Variants in DPP10 observed in about 807,000 individuals in gnomAD.
DPP10 encodes inactive dipeptidyl peptidase 10.
In DPP10, 33 loss-of-function variants were observed where a neutral mutation model predicts 120.9. The ratio of observed to expected loss-of-function variants is 0.27; its 90% CI spans 0.21 to 0.37. The LOEUF (loss-of-function observed/expected upper bound fraction) is 0.37, where lower values mean the gene tolerates loss of function less well. Ranked by LOEUF, DPP10 falls within the 10% of genes least tolerant of loss-of-function variation. The probability of loss-of-function intolerance (pLI) is 1.00; values close to 1 mark genes in which losing one functional copy is unlikely to be tolerated. For synonymous variants in DPP10, 337 were observed against 326.1 expected (o/e 1.03, Z -0.36); for missense variants, 816 against 942.8 (o/e 0.87, Z 1.76).
At chr2:115,442,157 T>A (rs2072129482) in intron 3 of DPP10, among the ~76,000 whole-genome samples, 1 of 152,062 alleles carries the variant, frequency 6.6e-6, no homozygotes, top group Non-Finnish European at 1.5e-5. Context: ...AGTTTTTTTG[T>A]CTTCACTGTG....
chr2:115,712,331 G>A lies in DPP10; in HGVS notation c.577-15485G>A, dbSNP rs371404861. 1.1e-3 allele frequency among the ~76,000 whole-genome samples: 159 copies of A among 150,600 alleles called. 1 individual carries two copies. The highest frequency in any genetic ancestry group is 3.6e-3 in the African/African-American group (146 of 41,072). On this transcript the variant is annotated intron_variant, in intron 7 of 25. Transcript: ENST00000410059. The stretch of plus-strand genomic sequence containing the variant: ...TGCCACCACTGATCTGACAGGAGGC[G>A]GAGCTCAAGCAGGAATGTGAGCGAT...
chr2:115,619,284 C>T (rs912357680), intron 5 of DPP10, among the ~76,000 whole-genome samples: 18 of 151,260 alleles, frequency 1.2e-4, no homozygotes, highest in African/African-American at 4.4e-4. Flanking sequence ...ACCATGTTAG[C>T]CAGGATAGTC....
In DPP10 at chr2:115,780,985, A is replaced by G; in HGVS notation, c.1473A>G (p.Leu491=). 6.3e-7 allele frequency: 1 copy of G among 1,586,138 alleles called. No homozygotes were observed. The highest frequency in any genetic ancestry group is 8.6e-7 in the Non-Finnish European group (1 of 1,160,418). Residue 491 remains leucine, a synonymous_variant, in exon 16 of 26, where the codon TTA becomes TTG. Coordinates refer to ENST00000410059, the MANE Select transcript of DPP10 (RefSeq NM_020868.6). ...SFSPMNQHFL[L]FCEGPRVPVV... ...GTCCCATGAATCAACATTTCTTATT[A>G]TTCTGTGAAGGTAAGATAATACATG...
intron 1 of DPP10, among the ~76,000 whole-genome samples, chr2:114,991,094 T>C (rs1193468900): frequency 6.6e-6 from 1 of 152,200 alleles, no homozygotes. Flanking sequence ...ACCATAATTA[T>C]ATAAATTAAT....
At chr2:115,617,098 A>AT (rs1159353194) in intron 5 of DPP10, among the ~76,000 whole-genome samples, 1 of 149,448 alleles carries the variant, frequency 6.7e-6, no homozygotes, top group Admixed American at 6.7e-5. Flanking sequence ...ATATTTTAGA[A>AT]TTTTTTTCAG....
chr2:115,136,347 G>A (rs1299396422), intron 1 of DPP10, among the ~76,000 whole-genome samples: 1 of 152,100 alleles, frequency 6.6e-6, no homozygotes, highest in African/African-American at 2.4e-5. Context: ...TTTCTGTGAT[G>A]ATGTGGATGT....
intron 1 of DPP10, among the ~76,000 whole-genome samples, chr2:115,204,326 A>G (rs1195942970): frequency 6.6e-6 from 1 of 152,190 alleles, no homozygotes; most frequent in African/African-American, 2.4e-5. Flanking sequence ...AGAATAGGCC[A>G]TATGTCAGAC....
intron 9 of DPP10, among the ~76,000 whole-genome samples, chr2:115,743,451 A>G (rs1407841465): frequency 1.3e-5 from 2 of 152,314 alleles, no homozygotes; most frequent in Admixed American, 6.5e-5. Flanking sequence ...AGTATGCCAT[A>G]AAACTGTGCA....
At chr2:115,586,887 C>T (rs1010909746) in intron 5 of DPP10, among the ~76,000 whole-genome samples, 3 of 151,782 alleles carry the variant, frequency 2.0e-5, no homozygotes, top group Non-Finnish European at 4.4e-5. Flanking sequence ...AAATTTTTGA[C>T]TGACAAATTA....
At chr2:115,244,466 G>T (rs2058441352) in intron 1 of DPP10, among the ~76,000 whole-genome samples, 1 of 151,772 alleles carries the variant, frequency 6.6e-6, no homozygotes, top group South Asian at 2.1e-4. Context: ...AAAACAAATA[G>T]CTTACATAAT....
intron 1 of DPP10, among the ~76,000 whole-genome samples, chr2:114,482,997 G>T (rs1174534280): frequency 6.6e-6 from 1 of 152,138 alleles, no homozygotes; most frequent in African/African-American, 2.4e-5. Context: ...ACAAGTTAAT[G>T]AAACAAATTA....
At chr2:114,728,694 T>C (rs1044666050) in intron 1 of DPP10, among the ~76,000 whole-genome samples, 1 of 152,162 alleles carries the variant, frequency 6.6e-6, no homozygotes, top group African/African-American at 2.4e-5. Flanking sequence ...CAGAATTTGA[T>C]TAGATTACAT....
intron 1 of DPP10, among the ~76,000 whole-genome samples, chr2:114,583,325 A>G (rs74745953): frequency 0.03 from 4,604 of 152,322 alleles, 267 homozygotes; most frequent in East Asian, 0.23. Context: ...GTCTTCAGAA[A>G]TGTTCTTCCA....
intron 1 of DPP10, among the ~76,000 whole-genome samples, chr2:114,915,721 A>G (rs1189946133): frequency 6.6e-6 from 1 of 152,372 alleles, no homozygotes; most frequent in East Asian, 1.9e-4. Flanking sequence ...TGGAAATTAA[A>G]CAGCCTGCTC....
rs2086510846 is a variant in DPP10 at position 115,638,231 on chromosome 2, G to A, written c.442-51456G>A. Among the ~76,000 whole-genome samples, 3 of 152,306 alleles carry A rather than the reference G, an allele frequency of 2.0e-5. No individual in the cohort carries two copies. In the South Asian group the frequency reaches 6.2e-4, roughly 32 times the overall value. Reference sequence around the variant, plus strand: ...TTCTTGTTCAGTCAAAATTTACTTAGAATTCCAAGTGTGCATTTACTAAAA... The same window carrying A: ...TTCTTGTTCAGTCAAAATTTACTTAAAATTCCAAGTGTGCATTTACTAAAA... On this transcript the variant is annotated intron_variant, in intron 5 of 25. Coordinates refer to ENST00000410059, the MANE Select transcript of DPP10 (RefSeq NM_020868.6).
At chr2:115,547,770 A>T (rs1333154478) in intron 5 of DPP10, among the ~76,000 whole-genome samples, 1 of 151,758 alleles carries the variant, frequency 6.6e-6, no homozygotes. Flanking sequence ...ATCTCCAAAA[A>T]AAAAAAAAAA....
intron 1 of DPP10, among the ~76,000 whole-genome samples, chr2:114,592,556 G>A (rs1691548847): frequency 1.3e-5 from 2 of 152,040 alleles, no homozygotes; most frequent in African/African-American, 2.4e-5. Flanking sequence ...TTGTAGAGCT[G>A]AGGAATGATG....
chr2:114,659,664 T>C (rs1697246858), intron 1 of DPP10, among the ~76,000 whole-genome samples: 1 of 152,202 alleles, frequency 6.6e-6, no homozygotes, highest in Non-Finnish European at 1.5e-5. Context: ...TTGTGTCCTC[T>C]AGAAATACAT....
At chr2:114,478,455 A>T (rs1680711392) in intron 1 of DPP10, among the ~76,000 whole-genome samples, 1 of 152,082 alleles carries the variant, frequency 6.6e-6, no homozygotes. Context: ...CCTAAAATTA[A>T]CATCTTAGAT....
Sources: gnomAD v4.1 joint callset for allele counts (sites outside exome capture counted in the v4.1 genomes callset) on GRCh38, gnomAD v4.1.1 for gene constraint, MANE v1.5 for transcripts, NCBI Gene and HGNC (gene_info 2026-07-23, HGNC 2026-07-21) for gene names.